The following ZNF704 variants were observed in gnomAD, a reference collection of about 807,000 sequenced individuals.
ZNF704 encodes the protein glucocorticoid induced gene 1.
ZNF704 carries 10 observed loss-of-function variants against 44.7 expected under a neutral mutation model. That is an observed-to-expected ratio of 0.22 (90% CI 0.14 to 0.38). The LOEUF is 0.38. Among genes scored for constraint, ZNF704 ranks in the 10% least tolerant of loss-of-function variants. The probability of loss-of-function intolerance (pLI) is 1.00; values close to 1 mark genes in which losing one functional copy is unlikely to be tolerated. For missense variants in ZNF704, 390 were observed against 545.5 expected (o/e 0.71, Z 2.84); for synonymous variants, 211 against 207.6 (o/e 1.02, Z -0.14).
intron 2 of ZNF704, among the ~76,000 whole-genome samples, chr8:80,800,719 A>G (rs1334679508): frequency 6.6e-6 from 1 of 152,196 alleles, no homozygotes; most frequent in Non-Finnish European, 1.5e-5. Flanking sequence ...ACTGAAGTAC[A>G]CAGATCAGTG....
chr8:80,700,133 C>T (rs73273008), intron 2 of ZNF704, among the ~76,000 whole-genome samples: 11,320 of 150,976 alleles, frequency 0.075, 1,431 homozygotes, highest in African/African-American at 0.26. Flanking sequence ...CAGGACCTCT[C>T]TCCCCTAATA....
chr8:80,825,571 C>T lies in ZNF704; in HGVS notation c.-21-3956G>A, dbSNP rs187297896. Among the ~76,000 whole-genome samples, 718 of 152,258 alleles carry T rather than the reference C, an allele frequency of 4.7e-3. 7 individuals carry two copies. The highest frequency in any genetic ancestry group is 0.017 in the African/African-American group (687 of 41,548). ...GAATTGAACTCAGCTCTGCACCAAG[C>T]AGACCTAATAGACATCTACAGAACT... On this transcript the variant is annotated intron_variant, in intron 1 of 8. Transcript: ENST00000327835.
intron 2 of ZNF704, among the ~76,000 whole-genome samples, chr8:80,721,651 G>T (rs1162569520): frequency 6.6e-6 from 1 of 152,122 alleles, no homozygotes; most frequent in Non-Finnish European, 1.5e-5. Flanking sequence ...TATACAAAAT[G>T]ATTTATTATG....
Position 80,670,483 on chromosome 8 carries a change from T to C in ZNF704, c.659+20A>G. On this transcript the variant is annotated intron_variant, in intron 5 of 8. Coordinates refer to ENST00000327835, the MANE Select transcript of ZNF704 (RefSeq NM_001033723.3). Reference sequence around the variant, plus strand: ...ACTGAGCAGATGGGGGCTGCATCCCTGAAGAGAGAGCTGCCTTACCCCAGA... The same window carrying C: ...ACTGAGCAGATGGGGGCTGCATCCCCGAAGAGAGAGCTGCCTTACCCCAGA... The C allele has an allele frequency of 1.3e-6, 2 of 1,594,250 alleles. No individual in the cohort carries two copies. Among genetic ancestry groups the C allele is most frequent in the Non-Finnish European group, 1.7e-6 (2 of 1,162,216 alleles).
chr8:80,697,900 A>T (rs1214989265), intron 2 of ZNF704, among the ~76,000 whole-genome samples: 1 of 152,202 alleles, frequency 6.6e-6, no homozygotes, highest in Non-Finnish European at 1.5e-5. Flanking sequence ...ATTTTTGATA[A>T]TGAAAAGACT....
intron 2 of ZNF704, among the ~76,000 whole-genome samples, chr8:80,751,520 G>A (rs1237385437): frequency 1.3e-5 from 2 of 152,168 alleles, no homozygotes; most frequent in Non-Finnish European, 2.9e-5. Context: ...TTTTCCAAAT[G>A]TACATGGAAG....
chr8:80,750,573 T>C (rs1806924628), intron 2 of ZNF704, among the ~76,000 whole-genome samples: 1 of 151,854 alleles, frequency 6.6e-6, no homozygotes. Context: ...TGGAGTGCAA[T>C]GGTGCGATCT....
chr8:80,670,298 G>A (rs370899407), intron 5 of ZNF704, among the ~76,000 whole-genome samples: 33 of 152,314 alleles, frequency 2.2e-4, no homozygotes, highest in African/African-American at 7.9e-4. Context: ...AACTAATGAG[G>A]CTCTAGGATG....
intron 2 of ZNF704, among the ~76,000 whole-genome samples, chr8:80,704,387 T>A (rs73273027): frequency 0.074 from 11,297 of 152,182 alleles, 1,421 homozygotes; most frequent in African/African-American, 0.26. Context: ...TATTGTGAAA[T>A]AGATATTTTG....
Position 80,664,844 on chromosome 8 carries a change from A to G in ZNF704, c.898T>C (p.Tyr300His), listed in dbSNP as rs1818163588. The G allele has an allele frequency of 6.2e-7, 1 of 1,614,190 alleles. No individual in the cohort carries two copies. The highest frequency in any genetic ancestry group is 8.5e-7 in the Non-Finnish European group (1 of 1,180,022). The change falls in exon 6 of 9, where the codon TAC (tyrosine) becomes CAC (histidine). Residue 300 changes from tyrosine (Y) to histidine (H), a missense_variant. Coordinates refer to ENST00000327835, the MANE Select transcript of ZNF704 (RefSeq NM_001033723.3). ...PLSRSAPTTL[Y>H]LVHTDHAYQA... is the part of the protein sequence containing the mutation. ...TAAGCATGGTCAGTGTGCACGAGGTAGAGGGTGGTGGGAGCTGAGCGGCTC... is the reference window on the plus strand; with the variant it reads ...TAAGCATGGTCAGTGTGCACGAGGTGGAGGGTGGTGGGAGCTGAGCGGCTC...
chr8:80,795,161 C>T (rs1437188411), intron 2 of ZNF704, among the ~76,000 whole-genome samples: 1 of 152,118 alleles, frequency 6.6e-6, no homozygotes, highest in African/African-American at 2.4e-5. Context: ...CTCAGTGGGA[C>T]AGACAAGAAG....
intron 2 of ZNF704, among the ~76,000 whole-genome samples, chr8:80,705,279 G>A (rs758986142): frequency 6.6e-6 from 1 of 152,186 alleles, no homozygotes; most frequent in Non-Finnish European, 1.5e-5. Context: ...TGTGTTTTGT[G>A]TGTCTCTGTG....
rs1357985269 is a variant in ZNF704 at position 80,874,286 on chromosome 8, C to T, written c.-22+285G>A. Reference sequence around the variant, plus strand: ...GGCGGGGCGGCGCGGCGGCCGCGGGCGGGGGTGGGTGTGAGCGAGCGGCGC... The same window carrying T: ...GGCGGGGCGGCGCGGCGGCCGCGGGTGGGGGTGGGTGTGAGCGAGCGGCGC... On this transcript the variant is annotated intron_variant, in intron 1 of 8. Transcript: ENST00000327835. This position sits in a 1 kb window ranked among gnomAD's most constrained non-coding sequence, Gnocchi z 4.4. 7.6e-5 allele frequency among the ~76,000 whole-genome samples: 11 copies of T among 144,076 alleles called. No individual in the cohort carries two copies. Among genetic ancestry groups the T allele is most frequent in the Non-Finnish European group, 1.4e-4 (9 of 65,250 alleles). The allele number at this position is 144,076 out of a possible 152,430, so 94.5% of individuals were successfully genotyped here. A position where few individuals can be genotyped will look rare whatever the true frequency, so the allele number is the denominator to read the frequency against.
chr8:80,762,282 T>C (rs939028029), intron 2 of ZNF704, among the ~76,000 whole-genome samples: 27 of 152,196 alleles, frequency 1.8e-4, no homozygotes, highest in Admixed American at 8.5e-4. Flanking sequence ...TTCATTTTCA[T>C]ACTGTTACAA....
chr8:80,719,717 T>C (rs1472088986), intron 2 of ZNF704, among the ~76,000 whole-genome samples: 3 of 152,174 alleles, frequency 2.0e-5, no homozygotes, highest in Non-Finnish European at 2.9e-5. Flanking sequence ...CTTGTCACTG[T>C]TTTTAGGAAA....
chr8:80,821,789 T>C (rs774614319), intron 1 of ZNF704, among the ~76,000 whole-genome samples, 174 bp from the exon 2 acceptor site: 1 of 152,046 alleles, frequency 6.6e-6, no homozygotes, highest in Non-Finnish European at 1.5e-5. Flanking sequence ...CAAAATAATA[T>C]ACAATCAATG....
At chr8:80,850,235 T>C (rs1397364691) in intron 1 of ZNF704, among the ~76,000 whole-genome samples, 2 of 152,218 alleles carry the variant, frequency 1.3e-5, no homozygotes, top group African/African-American at 4.8e-5. Flanking sequence ...AACTTGTCTT[T>C]TTTTGTCCGT....
chr8:80,873,860 G>GGCGGCGGCA (rs1015244613), intron 1 of ZNF704, among the ~76,000 whole-genome samples: 1 of 146,150 alleles, frequency 6.8e-6, no homozygotes, highest in Non-Finnish European at 1.5e-5. Flanking sequence ...GCTGCGCGGC[G>GGCGGCGGCA]GCGGCGGCAG....
At chr8:80,693,240 T>A (rs1244420421) in intron 2 of ZNF704, 133 bp from the exon 3 acceptor site, 1 of 733,856 alleles carries the variant, frequency 1.4e-6, no homozygotes, top group Non-Finnish European at 2.3e-6. Flanking sequence ...TTAGCTTTAT[T>A]TTATAGATGA....
Sources: allele counts gnomAD v4.1 joint callset (sites outside exome capture counted in the v4.1 genomes callset), GRCh38; gene constraint gnomAD v4.1.1; non-coding constraint Gnocchi (gnomAD v3.1); transcripts MANE v1.5; gene names NCBI Gene and HGNC (gene_info 2026-07-23, HGNC 2026-07-21).